The following RBFOX1 variants were observed in gnomAD, a reference collection of about 807,000 sequenced individuals.
RBFOX1 encodes the protein RNA binding protein fox-1 homolog 1.
RBFOX1 carries 8 observed loss-of-function variants against 57.7 expected under a neutral mutation model. The ratio of observed to expected loss-of-function variants is 0.14; its 90% CI spans 0.08 to 0.25. The LOEUF (loss-of-function observed/expected upper bound fraction) is 0.25. RBFOX1 is among the 10% of genes least tolerant of loss of function. RBFOX1 has a pLI of 1.00. For synonymous variants in RBFOX1, 326 were observed against 222.4 expected (o/e 1.47, Z -4.15); for missense variants, 611 against 548.5 (o/e 1.11, Z -1.14).
chr16:6,672,383 G>C (rs909541143), intron 3 of RBFOX1, among the ~76,000 whole-genome samples: 29 of 149,934 alleles, frequency 1.9e-4, no homozygotes, highest in African/African-American at 7.1e-4. Flanking sequence ...GAAAGAGAGA[G>C]AGAAGGAGAG....
chr16:6,516,465 G>A (rs776178980), intron 2 of RBFOX1, among the ~76,000 whole-genome samples: 1 of 152,130 alleles, frequency 6.6e-6, no homozygotes, highest in African/African-American at 2.4e-5. Flanking sequence ...AGCCCCTGTT[G>A]TTAAGATTAT....
intron 4 of RBFOX1, among the ~76,000 whole-genome samples, chr16:7,208,870 C>T (rs1482919952): frequency 6.6e-6 from 1 of 152,064 alleles, no homozygotes; most frequent in Admixed American, 6.6e-5. Flanking sequence ...AAAAAGCCCA[C>T]CAGTTCTCCT....
intron 3 of RBFOX1, among the ~76,000 whole-genome samples, chr16:6,779,783 A>T (rs1323278702): frequency 6.1e-5 from 1 of 16,428 alleles, no homozygotes; most frequent in African/African-American, 5.2e-4. Context: ...ATTTATATAT[A>T]TTTTTATATA....
At chr16:7,594,822 A>G (rs1270088284) in intron 7 of RBFOX1, among the ~76,000 whole-genome samples, 1 of 152,222 alleles carries the variant, frequency 6.6e-6, no homozygotes, top group Non-Finnish European at 1.5e-5. Context: ...CAAATTCAAA[A>G]GCGTGTATGC....
intron 3 of RBFOX1, among the ~76,000 whole-genome samples, chr16:6,944,327 G>T (rs566930720): frequency 6.6e-6 from 1 of 151,472 alleles, no homozygotes; most frequent in South Asian, 2.1e-4. Flanking sequence ...CCGAAGAGGC[G>T]GAGGTTGCAG....
At chr16:7,433,200 C>T (rs996011158) in intron 4 of RBFOX1, among the ~76,000 whole-genome samples, 5 of 152,182 alleles carry the variant, frequency 3.3e-5, no homozygotes, top group Admixed American at 3.3e-4. Context: ...TATAAAATCT[C>T]TTGTCTTTAA....
rs145245939 is a variant in RBFOX1, at chr16:5,471,312, A to G, written c.258+4058A>G. Among the ~76,000 whole-genome samples the G allele has an allele frequency of 3.9e-5, 6 of 152,284 alleles. No individual in the cohort carries two copies. In the East Asian group the frequency reaches 1.2e-3, roughly 29 times the overall value. On this transcript the variant is annotated intron_variant, in intron 2 of 2. Coordinates refer to the RBFOX1 transcript ENST00000585867. ...GGCTCAGGAACCAGCGTATTGAAAA[A>G]CAGGTGATCTAGTCTCTACAGTTGA... is the stretch of plus-strand genomic sequence containing the variant.
At chr16:7,550,128 T>C (rs1364993277) in intron 5 of RBFOX1, among the ~76,000 whole-genome samples, 1 of 152,020 alleles carries the variant, frequency 6.6e-6, no homozygotes, top group Admixed American at 6.6e-5. Flanking sequence ...TGGAGGTCTT[T>C]CTATGTTGCC....
chr16:7,360,766 G>A (rs1174807685), intron 4 of RBFOX1, among the ~76,000 whole-genome samples: 1 of 152,132 alleles, frequency 6.6e-6, no homozygotes, highest in African/African-American at 2.4e-5. Context: ...TCCTATCTGT[G>A]TTGGCCAAGT....
intron 4 of RBFOX1, among the ~76,000 whole-genome samples, chr16:7,309,527 G>GA (rs973914837): frequency 1.4e-4 from 21 of 152,312 alleles, no homozygotes; most frequent in African/African-American, 4.6e-4. Context: ...CCCGGCTGGA[G>GA]AAAGTCTGTG....
intron 3 of RBFOX1, among the ~76,000 whole-genome samples, chr16:5,650,464 G>T (rs2049199630): frequency 6.6e-6 from 1 of 152,148 alleles, no homozygotes; most frequent in East Asian, 1.9e-4. Context: ...GACAGAAATG[G>T]AAAATAAAGC....
At chr16:5,510,856 C>G (rs11639931) in intron 2 of RBFOX1, among the ~76,000 whole-genome samples, 1 of 151,892 alleles carries the variant, frequency 6.6e-6, no homozygotes. Flanking sequence ...CTGACTCTCT[C>G]TGTCCTGACA....
At chr16:6,691,221 G>C (rs964176184) in intron 3 of RBFOX1, among the ~76,000 whole-genome samples, 26 of 152,256 alleles carry the variant, frequency 1.7e-4, no homozygotes, top group African/African-American at 5.3e-4. Context: ...ATCAGAGGAT[G>C]GTTTTCTGTC....
chr16:5,674,425 G>A (rs80272910), intron 3 of RBFOX1, among the ~76,000 whole-genome samples: 17,110 of 152,096 alleles, frequency 0.11, 1,392 homozygotes, highest in East Asian at 0.33. Context: ...TAACATGCCC[G>A]GGCGCAGGTT....
At chr16:6,924,544 A>G (rs527726000) in intron 3 of RBFOX1, among the ~76,000 whole-genome samples, 57 of 152,244 alleles carry the variant, frequency 3.7e-4, no homozygotes, top group African/African-American at 1.4e-3. Context: ...TCACATTTCA[A>G]CATGAGATTT....
At chr16:6,440,667 A>G (rs802320) in intron 2 of RBFOX1, among the ~76,000 whole-genome samples, 52,227 of 151,654 alleles carry the variant, frequency 0.34, 10,471 homozygotes, top group African/African-American at 0.55. Context: ...TGGGTGTGGT[A>G]CTGGGCATCT....
At chr16:6,545,954 A>G (rs950818428) in intron 2 of RBFOX1, among the ~76,000 whole-genome samples, 7 of 152,202 alleles carry the variant, frequency 4.6e-5, no homozygotes, top group Admixed American at 2.0e-4. Flanking sequence ...GTTGTCTAAA[A>G]CAGGGATTTG....
intron 1 of RBFOX1, among the ~76,000 whole-genome samples, chr16:6,131,310 G>A (rs953798245): frequency 6.6e-6 from 1 of 152,210 alleles, no homozygotes; most frequent in Non-Finnish European, 1.5e-5. Flanking sequence ...TAAACAAAAT[G>A]TTATTGGTAC....
chr16:6,813,439 T>G (rs527472898), intron 3 of RBFOX1, among the ~76,000 whole-genome samples: 42 of 152,254 alleles, frequency 2.8e-4, no homozygotes, highest in African/African-American at 9.9e-4. Flanking sequence ...ATGGCTCTAG[T>G]TTGGGGACCC....
Sources: allele counts gnomAD v4.1 joint callset (sites outside exome capture counted in the v4.1 genomes callset), GRCh38; gene constraint gnomAD v4.1.1; transcripts MANE v1.5; gene names NCBI Gene and HGNC (gene_info 2026-07-23, HGNC 2026-07-21).